FUT8: variants seen among roughly 807,000 people sequenced by gnomAD.
FUT8 encodes alpha-(1,6)-fucosyltransferase.
A neutral mutation model predicts 71.3 loss-of-function variants in FUT8; 29 were observed. That is an observed-to-expected ratio of 0.41 (90% CI 0.30 to 0.55). The LOEUF (loss-of-function observed/expected upper bound fraction) is 0.55, where lower values mean the gene tolerates loss of function less well. FUT8 is among the 20% of genes least tolerant of loss of function. The pLI, the probability that FUT8 is intolerant of heterozygous loss-of-function variation, is 0.34. For synonymous variants in FUT8, 254 were observed against 239.3 expected, an observed-to-expected ratio of 1.06 and a Z score of -0.57; for missense variants, 544 against 702.1, an observed-to-expected ratio of 0.77 and a Z score of 2.55.
At position 65,426,895 on chromosome 14, in the gene FUT8, G is replaced by A. The variant is rs146729334; in HGVS notation, c.-326+13681G>A. 2.9e-3 allele frequency among the ~76,000 whole-genome samples: 447 copies of A among 152,048 alleles called. 2 individuals carry two copies. The highest frequency in any genetic ancestry group is 0.01 in the Middle Eastern group (3 of 294). On this transcript the variant is annotated intron_variant, in intron 1 of 10. Transcript: ENST00000673929. ...TTTTTTTGAGACGGAGTCTCTCTTT[G>A]TCGCCCAGGCTGGAGTGCAGTGGTG...
At chr14:65,572,447 A>G (rs911862016) in intron 3 of FUT8, among the ~76,000 whole-genome samples, 2 of 152,216 alleles carry the variant, frequency 1.3e-5, no homozygotes. Context: ...GCTGAAATGT[A>G]TACAACTGTG....
chr14:65,735,100 A>G (rs1320445361), intron 10 of FUT8, among the ~76,000 whole-genome samples: 1 of 152,094 alleles, frequency 6.6e-6, no homozygotes, highest in African/African-American at 2.4e-5. Flanking sequence ...CCAACCTCAC[A>G]TGTAGGTAGG....
intron 2 of FUT8, among the ~76,000 whole-genome samples, chr14:65,480,275 T>A (rs1045622680): frequency 3.3e-5 from 5 of 151,564 alleles, no homozygotes; most frequent in African/African-American, 1.2e-4. Context: ...GTAAAACTGT[T>A]GCAAACTGCA....
intron 1 of FUT8, among the ~76,000 whole-genome samples, chr14:65,442,805 A>G (rs1388412299): frequency 2.7e-5 from 4 of 148,274 alleles, no homozygotes; most frequent in Non-Finnish European, 4.5e-5. Context: ...TGGGTGACAG[A>G]GTGAGACCCC....
intron 9 of FUT8, among the ~76,000 whole-genome samples, chr14:65,729,275 C>T (rs965334977): frequency 1.3e-5 from 2 of 152,046 alleles, no homozygotes; most frequent in Admixed American, 6.5e-5. Flanking sequence ...GCCTTGTCCT[C>T]CAAAGTGCCG....
intron 10 of FUT8, among the ~76,000 whole-genome samples, chr14:65,734,942 C>G (rs951639842): frequency 6.6e-6 from 1 of 152,084 alleles, no homozygotes; most frequent in Non-Finnish European, 1.5e-5. Context: ...CCAGTAAGAC[C>G]CTCACTTAAA....
At chr14:65,386,593 C>T in the FUT8 span, among the ~76,000 whole-genome samples, 1 of 150,984 alleles carries the variant, frequency 6.6e-6, no homozygotes, top group East Asian at 1.9e-4. Flanking sequence ...TCATGCCTTC[C>T]TCTACTTTCT....
intron 2 of FUT8, among the ~76,000 whole-genome samples, chr14:65,543,229 T>C (rs1884785075): frequency 6.6e-6 from 1 of 152,224 alleles, no homozygotes; most frequent in Non-Finnish European, 1.5e-5. Context: ...AACATCTGCT[T>C]TTGACATTTT....
intron 9 of FUT8, among the ~76,000 whole-genome samples, chr14:65,731,431 G>C (rs949779934): frequency 1.3e-5 from 2 of 152,134 alleles, no homozygotes; most frequent in African/African-American, 4.8e-5. Flanking sequence ...GAAACCTCAA[G>C]GTAGAAGAAT....
intron 3 of FUT8, among the ~76,000 whole-genome samples, chr14:65,611,277 ACACACACACACACACACACACACACCC>A (rs1888965704): frequency 8.8e-5 from 5 of 56,704 alleles, no homozygotes; most frequent in South Asian, 7.4e-4. Context: ...ACACACACAC[ACACACACACACACACACACACACACCC>A]CCCAAGTAAT....
chr14:65,571,478 A>G (rs1237135260), intron 3 of FUT8, among the ~76,000 whole-genome samples: 1 of 152,148 alleles, frequency 6.6e-6, no homozygotes, highest in Non-Finnish European at 1.5e-5. Flanking sequence ...TGGGAACAGC[A>G]TCAACATACT....
chr14:65,506,284 G>A (rs2066732678), intron 2 of FUT8, among the ~76,000 whole-genome samples: 1 of 152,240 alleles, frequency 6.6e-6, no homozygotes, highest in South Asian at 2.1e-4. Context: ...AATATAAAAA[G>A]TAATAAGCCA....
At chr14:65,698,798 A>G (rs1181154945) in intron 7 of FUT8, among the ~76,000 whole-genome samples, 1 of 152,132 alleles carries the variant, frequency 6.6e-6, no homozygotes, top group African/African-American at 2.4e-5. Flanking sequence ...TCAATTACGC[A>G]TTTATTTTGT....
At chr14:65,626,019 A>G (rs527444343) in intron 5 of FUT8, among the ~76,000 whole-genome samples, 2 of 152,268 alleles carry the variant, frequency 1.3e-5, no homozygotes, top group East Asian at 3.9e-4. Flanking sequence ...CTCTTAAGTG[A>G]TTCCTTCTCA....
At chr14:65,504,743 G>A (rs2066699623) in intron 2 of FUT8, among the ~76,000 whole-genome samples, 2 of 151,890 alleles carry the variant, frequency 1.3e-5, no homozygotes, top group South Asian at 2.1e-4. Flanking sequence ...TAGTAGAGAC[G>A]GGGTTTCACC....
intron 2 of FUT8, among the ~76,000 whole-genome samples, chr14:65,512,462 G>T (rs1052260122): frequency 6.6e-6 from 1 of 152,174 alleles, no homozygotes; most frequent in Admixed American, 6.5e-5. Flanking sequence ...TTCGTGCCTG[G>T]CTGGGTATTT....
At chr14:65,735,416 G>A (rs935991945) in intron 10 of FUT8, among the ~76,000 whole-genome samples, 2 of 152,078 alleles carry the variant, frequency 1.3e-5, no homozygotes, top group Non-Finnish European at 2.9e-5. Context: ...GTCCAGAGAA[G>A]CAATTCATAT....
chr14:65,679,616 G>C (rs1181295944), intron 7 of FUT8, among the ~76,000 whole-genome samples: 1 of 152,038 alleles, frequency 6.6e-6, no homozygotes, highest in South Asian at 2.1e-4. Context: ...ATTATTTCAA[G>C]TTTTTGCCAT....
chr14:65,692,762 C>T (rs541629175), intron 7 of FUT8, among the ~76,000 whole-genome samples: 8 of 149,416 alleles, frequency 5.4e-5, no homozygotes, highest in Admixed American at 1.3e-4. Context: ...GGGTGGTTGC[C>T]GGGCAGAGGG....
Sources: gnomAD v4.1 joint callset for allele counts (sites outside exome capture counted in the v4.1 genomes callset) on GRCh38, gnomAD v4.1.1 for gene constraint, MANE v1.5 for transcripts, NCBI Gene and HGNC (gene_info 2026-07-23, HGNC 2026-07-21) for gene names.